Variants in DHCR24 observed in about 807,000 individuals in gnomAD.
DHCR24 encodes the protein 24-dehydrocholesterol reductase, also known as delta(24)-sterol reductase.
Under a neutral mutation model 61.2 loss-of-function variants are expected in DHCR24, and 28 were observed. The observed-to-expected ratio is 0.46, with a 90% CI of 0.34 to 0.63. The LOEUF (loss-of-function observed/expected upper bound fraction) is 0.63, where lower values mean the gene tolerates loss of function less well. Ranked by LOEUF, DHCR24 falls within the 20% of genes least tolerant of loss-of-function variation. DHCR24 has a pLI of 0.01. For synonymous variants in DHCR24, 261 were observed against 275.9 expected, an observed-to-expected ratio of 0.95 and a Z score of 0.54; for missense variants, 538 against 679.1, an observed-to-expected ratio of 0.79 and a Z score of 2.31.
intron 6 of DHCR24, among the ~76,000 whole-genome samples, chr1:54,859,092 A>G (rs955640262): frequency 6.6e-6 from 1 of 152,240 alleles, no homozygotes; most frequent in Non-Finnish European, 1.5e-5. Flanking sequence ...CGACTGGGTC[A>G]TAAAAGGCAC....
At chr1:54,861,897 A>G (rs1407310326) in intron 6 of DHCR24, among the ~76,000 whole-genome samples, 1 of 152,124 alleles carries the variant, frequency 6.6e-6, no homozygotes, top group African/African-American at 2.4e-5. Context: ...CTTTCATCTC[A>G]GCTGAAATCC....
Position 54,882,383 on chromosome 1 carries a change from G to A in DHCR24, c.387+1235C>T, listed in dbSNP as rs553455410. On this transcript the variant is annotated intron_variant, in intron 2 of 8. Transcript: ENST00000371269. ...AATGTGGAACAAGAACAACACTCAC[G>A]CTGCTGGTGGAAATGTAAAATGCTA... is the stretch of plus-strand genomic sequence containing the variant. 3.9e-5 allele frequency among the ~76,000 whole-genome samples: 6 copies of A among 152,276 alleles called. No homozygotes were observed. In the South Asian group the frequency reaches 1.2e-3, roughly 32 times the overall value.
chr1:54,879,352 A>AAAAAAAAAAAAAAAAAAAG (rs573285056), intron 2 of DHCR24, among the ~76,000 whole-genome samples: 6 of 128,162 alleles, frequency 4.7e-5, no homozygotes, highest in African/African-American at 1.2e-4. Flanking sequence ...AAAAAAAAAA[A>AAAAAAAAAAAAAAAAAAAG]TCCAAATCAA....
At chr1:54,873,169 A>G (rs1412640212) in intron 4 of DHCR24, among the ~76,000 whole-genome samples, 1 of 152,260 alleles carries the variant, frequency 6.6e-6, no homozygotes, top group Admixed American at 6.5e-5. Flanking sequence ...TGCAGTCAAC[A>G]ATGGGCCACA....
chr1:54,862,318 T>C (rs1225528185), intron 6 of DHCR24, among the ~76,000 whole-genome samples: 4 of 152,188 alleles, frequency 2.6e-5, no homozygotes, highest in Non-Finnish European at 5.9e-5. Flanking sequence ...TTGTCTCCAG[T>C]TCTCTCTCAA....
chr1:54,854,306 A>G lies in DHCR24; in HGVS notation c.1021-72T>C, dbSNP rs1646895120. 2.9e-6 allele frequency: 4 copies of G among 1,379,086 alleles called. 1 individual carries two copies. The highest frequency in any genetic ancestry group is 3.7e-4 in the Middle Eastern group (2 of 5,388). The allele number at this position is 1,379,086 out of a possible 1,614,324, so 85.4% of individuals were successfully genotyped here. A position where few individuals can be genotyped will look rare whatever the true frequency, so the allele number is the denominator to read the frequency against. The stretch of plus-strand genomic sequence containing the variant: ...TGAATGTCTCCAAGTGCAAGGGGCC[A>G]GGGGCCAGGTCCCATTCTGTGCTTG... On this transcript the variant is annotated intron_variant, in intron 6 of 8. Transcript: ENST00000371269.
rs1044508151 is a variant in DHCR24 at position 54,852,002 on chromosome 1, A to G, written c.*231T>C. 4 of 581,126 alleles carry G rather than the reference A, an allele frequency of 6.9e-6. No homozygotes were observed. The highest frequency in any genetic ancestry group is 3.7e-5 in the African/African-American group (2 of 53,496). The allele number at this position is 581,126 out of a possible 1,614,324, so 36.0% of individuals were successfully genotyped here. The stretch of plus-strand genomic sequence containing the variant: ...CTCACCCAGAGTCACACAGCTAATG[A>G]GTTCTAAACGGGGAACTGGACTCAG... On this transcript the variant is annotated 3_prime_UTR_variant, in exon 9 of 9. Transcript: ENST00000371269.
intron 1 of DHCR24, among the ~76,000 whole-genome samples, chr1:54,885,252 C>A (rs1330967056): frequency 6.6e-6 from 1 of 152,120 alleles, no homozygotes; most frequent in East Asian, 1.9e-4. Context: ...CACGACCAAC[C>A]AGGTCTCGTC....
At chr1:54,875,891 C>T (rs1288297802) in intron 3 of DHCR24, 51 bp downstream of exon 3, 2 of 1,486,452 alleles carry the variant, frequency 1.3e-6, no homozygotes, top group Non-Finnish European at 1.9e-6. Flanking sequence ...CCCATCAGCT[C>T]CGGTCCTAGG....
At chr1:54,876,493 A>G (rs927590137) in intron 2 of DHCR24, among the ~76,000 whole-genome samples, 26 of 152,148 alleles carry the variant, frequency 1.7e-4, no homozygotes, top group Admixed American at 1.4e-3. Context: ...GTTTCTACTA[A>G]AAATACAAAA....
At chr1:54,864,856 T>C (rs1210397870) in intron 6 of DHCR24, among the ~76,000 whole-genome samples, 2 of 147,266 alleles carry the variant, frequency 1.4e-5, no homozygotes, top group African/African-American at 5.0e-5. Flanking sequence ...CTGCTCCTCA[T>C]CCACCCACCC....
chr1:54,865,900 T>C (rs557010520), intron 5 of DHCR24, among the ~76,000 whole-genome samples: 11 of 151,238 alleles, frequency 7.3e-5, no homozygotes, highest in Admixed American at 7.2e-4. Flanking sequence ...GTCATGGCAC[T>C]TTCCCTGCTG....
At position 54,852,110 on chromosome 1, in the gene DHCR24, T is replaced by C; in HGVS notation, c.*123A>G. 1 of 1,198,106 alleles carries C rather than the reference T, an allele frequency of 8.3e-7. No homozygotes were observed. The highest frequency in any genetic ancestry group is 1.4e-5 in the South Asian group (1 of 71,170). The allele number at this position is 1,198,106 out of a possible 1,614,324, so 74.2% of individuals were successfully genotyped here. A position where few individuals can be genotyped will look rare whatever the true frequency, so the allele number is the denominator to read the frequency against. ...CCAGGAGGAAGGTGGTGTTGGGCTG[T>C]CAGGGTGGGAGTTCTGGAGGGGTTT... is the stretch of plus-strand genomic sequence containing the variant. On this transcript the variant is annotated 3_prime_UTR_variant, in exon 9 of 9. Coordinates refer to ENST00000371269, the MANE Select transcript of DHCR24 (RefSeq NM_014762.4).
chr1:54,866,161 C>T (rs887703945), intron 5 of DHCR24, among the ~76,000 whole-genome samples: 12 of 151,950 alleles, frequency 7.9e-5, no homozygotes, highest in African/African-American at 2.4e-4. Context: ...CAGATGCTCT[C>T]GGGGAGAGGC....
intron 5 of DHCR24, 123 bp from the exon 6 acceptor site, chr1:54,865,569 T>A (rs1324605085): frequency 1.5e-6 from 2 of 1,322,834 alleles, no homozygotes; most frequent in Admixed American, 3.5e-5. Flanking sequence ...TCATGTCTAT[T>A]ACTGCCTTTG....
intron 5 of DHCR24, among the ~76,000 whole-genome samples, chr1:54,870,928 T>C (rs1235943897): frequency 6.6e-6 from 1 of 152,224 alleles, no homozygotes; most frequent in African/African-American, 2.4e-5. Flanking sequence ...GCATGGTATA[T>C]GTGGAAGGAA....
chr1:54,883,890 C>T lies in DHCR24; in HGVS notation c.232-117G>A. ...ATGCCTCCATCAGGCACTGGAGAAA[C>T]AGAACAATGAAAAGGCCTGCTGGCC... is the stretch of plus-strand genomic sequence containing the variant. On this transcript the variant is annotated intron_variant, in intron 1 of 8. Coordinates refer to ENST00000371269, the MANE Select transcript of DHCR24 (RefSeq NM_014762.4). The surrounding 1 kb of genome is among the most constrained non-coding windows in gnomAD (Gnocchi z 4.3). The T allele has an allele frequency of 6.9e-7, 1 of 1,443,440 alleles. No individual in the cohort carries two copies. Among genetic ancestry groups the T allele is most frequent in the South Asian group, 1.2e-5 (1 of 85,258 alleles). 89.4% of individuals were successfully genotyped at this position (1,443,440 alleles called of 1,614,324 possible).
At chr1:54,886,244 C>CGA (rs1393574032) in intron 1 of DHCR24, among the ~76,000 whole-genome samples, 1 of 152,154 alleles carries the variant, frequency 6.6e-6, no homozygotes. Flanking sequence ...AGAGATGGAC[C>CGA]GACTGCCTTT....
intron 7 of DHCR24, 112 bp downstream of exon 7, chr1:54,853,925 G>A (rs571838176): frequency 1.2e-5 from 14 of 1,133,654 alleles, no homozygotes; most frequent in South Asian, 1.1e-4. Context: ...CTTAAAGTTG[G>A]GAAAACACCC....
Sources: allele counts gnomAD v4.1 joint callset (sites outside exome capture counted in the v4.1 genomes callset), GRCh38; gene constraint gnomAD v4.1.1; non-coding constraint Gnocchi (gnomAD v3.1); transcripts MANE v1.5; gene names NCBI Gene and HGNC (gene_info 2026-07-23, HGNC 2026-07-21).